The following NPC1 variants were observed in gnomAD, a reference collection of about 807,000 sequenced individuals.
NPC1 encodes Niemann-Pick C1 protein.
NPC1 carries 85 observed loss-of-function variants against 140.4 expected under a neutral mutation model. That is an observed-to-expected ratio of 0.61 (90% CI 0.51 to 0.72). NPC1 has a LOEUF of 0.72. Ranked by LOEUF, NPC1 falls within the 30% of genes least tolerant of loss-of-function variation. The pLI, the probability that NPC1 is intolerant of heterozygous loss-of-function variation, is 0.00. For synonymous variants in NPC1, 656 were observed against 624.8 expected (o/e 1.05, Z -0.74); for missense variants, 1,504 against 1,623.8 (o/e 0.93, Z 1.27).
chr18:23,575,567 T>C (rs914974255), intron 1 of NPC1, among the ~76,000 whole-genome samples: 2 of 151,968 alleles, frequency 1.3e-5, no homozygotes, highest in African/African-American at 2.4e-5. Context: ...TGTACATATA[T>C]AGTAAGTACT....
chr18:23,562,341 GATTTT>G (rs1457818542), intron 4 of NPC1, among the ~76,000 whole-genome samples: 2 of 151,436 alleles, frequency 1.3e-5, no homozygotes, highest in Non-Finnish European at 2.9e-5. Flanking sequence ...TATCTTTTTG[GATTTT>G]ATTTTCTTAC....
At chr18:23,559,606 G>A (rs1256144575) in intron 6 of NPC1, among the ~76,000 whole-genome samples, 1 of 149,412 alleles carries the variant, frequency 6.7e-6, no homozygotes, top group East Asian at 2.0e-4. Context: ...TAAAGTGCTG[G>A]GATTACAGGT....
downstream of NPC1, chr18:23,530,078 T>G: frequency 6.2e-7 from 1 of 1,614,238 alleles, no homozygotes; most frequent in Non-Finnish European, 8.5e-7. Flanking sequence ...ACAACCTCTT[T>G]TATATGCTGC....
At chr18:23,533,632 G>T in intron 23 of NPC1, 115 bp from the exon 24 acceptor site, 1 of 1,023,848 alleles carries the variant, frequency 9.8e-7, no homozygotes, top group Non-Finnish European at 1.5e-6. Flanking sequence ...CCAGCCTCCT[G>T]AGTAGCTGGG....
downstream of NPC1, chr18:23,530,326 A>G (rs751041988): frequency 1.3e-4 from 203 of 1,614,046 alleles, 5 homozygotes; most frequent in South Asian, 2.1e-3. Flanking sequence ...GTTTTAGACT[A>G]TGGAAACTAA....
chr18:23,572,625 G>A (rs2059219540), intron 2 of NPC1, among the ~76,000 whole-genome samples: 1 of 151,890 alleles, frequency 6.6e-6, no homozygotes, highest in African/African-American at 2.4e-5. Flanking sequence ...CTTGAGCCTA[G>A]GAGTTTGAGA....
At chr18:23,507,761 A>G (rs779999131) in intron 3 of NPC1, among the ~76,000 whole-genome samples, 3 of 152,192 alleles carry the variant, frequency 2.0e-5, no homozygotes, top group African/African-American at 4.8e-5. Flanking sequence ...CTGTAACTGA[A>G]TATTTGTATT....
intron 3 of NPC1, among the ~76,000 whole-genome samples, chr18:23,513,417 A>G (rs1163339812): frequency 6.6e-6 from 1 of 152,200 alleles, no homozygotes; most frequent in Admixed American, 6.5e-5. Context: ...GAGCGTATAC[A>G]CCACATTTTG....
At chr18:23,516,310 C>A in intron 3 of NPC1, 1 of 1,613,848 alleles carries the variant, frequency 6.2e-7, no homozygotes, top group Non-Finnish European at 8.5e-7. Context: ...AACATTTTCC[C>A]CCTAAACAGG....
intron 4 of NPC1, among the ~76,000 whole-genome samples, chr18:23,561,796 C>G (rs1217002716): frequency 6.6e-6 from 1 of 152,170 alleles, no homozygotes; most frequent in African/African-American, 2.4e-5. Context: ...TCATAGCTCT[C>G]ACAACAGCTT....
chr18:23,571,662 A>T (rs2059205473), intron 3 of NPC1, among the ~76,000 whole-genome samples: 1 of 151,710 alleles, frequency 6.6e-6, no homozygotes, highest in African/African-American at 2.4e-5. Flanking sequence ...TCAAAAAAAA[A>T]AAAAAATAAA....
At chr18:23,536,954 C>A (rs2058640333) in intron 20 of NPC1, 78 bp from the exon 21 acceptor site, 16 of 1,144,652 alleles carry the variant, frequency 1.4e-5, no homozygotes, top group Middle Eastern at 2.8e-4. Flanking sequence ...TGAGGCTAAG[C>A]AAAATCACCT....
downstream of NPC1, among the ~76,000 whole-genome samples, chr18:23,524,858 G>A (rs1166871820): frequency 6.7e-6 from 1 of 150,064 alleles, no homozygotes; most frequent in Non-Finnish European, 1.5e-5. Flanking sequence ...CCCGGGAGGT[G>A]TGCTCCTCTT....
chr18:23,571,716 G>A (rs143159884), intron 3 of NPC1, among the ~76,000 whole-genome samples: 1,763 of 151,580 alleles, frequency 0.012, 38 homozygotes, highest in African/African-American at 0.041. Context: ...GTGCATGCCT[G>A]TAGTCCTAGC....
downstream of NPC1, among the ~76,000 whole-genome samples, chr18:23,525,715 AG>A (rs1206249087): frequency 6.6e-6 from 1 of 151,466 alleles, no homozygotes; most frequent in Non-Finnish European, 1.5e-5. Flanking sequence ...GAGCCACCAC[AG>A]CCGGCCTATA....
downstream of NPC1, chr18:23,519,246 G>A (rs1012403761): frequency 1.6e-5 from 21 of 1,343,842 alleles, 2 homozygotes; most frequent in Middle Eastern, 5.0e-4. Context: ...GGCTGGGCAC[G>A]GTGGATCACG....
chr18:23,520,291 G>T (rs779222190), downstream of NPC1: 1 of 1,613,994 alleles, frequency 6.2e-7, no homozygotes, highest in Non-Finnish European at 8.5e-7. Flanking sequence ...GATCGATCCA[G>T]CCCTATCAGA....
intron 14 of NPC1, among the ~76,000 whole-genome samples, chr18:23,542,848 G>A (rs1567953240): frequency 1.3e-5 from 2 of 152,156 alleles, no homozygotes; most frequent in Non-Finnish European, 2.9e-5. Context: ...AACATTCCCA[G>A]TGGCTACTAA....
downstream of NPC1, among the ~76,000 whole-genome samples, chr18:23,517,370 G>A (rs954012620): frequency 6.6e-6 from 1 of 151,980 alleles, no homozygotes; most frequent in Non-Finnish European, 1.5e-5. Context: ...GGGTGGTCTC[G>A]GTCTCTTGAC....
Sources: allele counts gnomAD v4.1 joint callset (sites outside exome capture counted in the v4.1 genomes callset), GRCh38; gene constraint gnomAD v4.1.1; transcripts MANE v1.5; gene names NCBI Gene and HGNC (gene_info 2026-07-23, HGNC 2026-07-21).